The following NRXN1 variants were observed in gnomAD, a reference collection of about 807,000 sequenced individuals.
NRXN1 encodes the protein neurexin-1.
A neutral mutation model predicts 150.9 loss-of-function variants in NRXN1; 39 were observed. The observed-to-expected ratio is 0.26, with a 90% CI of 0.20 to 0.34. The LOEUF (loss-of-function observed/expected upper bound fraction) is 0.34, where lower values mean the gene tolerates loss of function less well. Ranked by LOEUF, NRXN1 falls within the 10% of genes least tolerant of loss-of-function variation. The pLI, the probability that NRXN1 is intolerant of heterozygous loss-of-function variation, is 1.00. For missense variants in NRXN1, 1,815 were observed against 1,949.9 expected, an observed-to-expected ratio of 0.93 and a Z score of 1.30; for synonymous variants, 924 against 757.0, an observed-to-expected ratio of 1.22 and a Z score of -3.62.
At chr2:50,519,378 T>C (rs189363673) in intron 12 of NRXN1, among the ~76,000 whole-genome samples, 28 of 152,078 alleles carry the variant, frequency 1.8e-4, no homozygotes, top group Non-Finnish European at 3.4e-4. Flanking sequence ...ATTTTAGTAA[T>C]TGAAAAATAT....
At position 50,921,890 on chromosome 2, in the gene NRXN1, T is replaced by G; in HGVS notation, c.821-10A>C. 7.1e-7 allele frequency: 1 copy of G among 1,398,740 alleles called. No individual in the cohort carries two copies. The allele number at this position is 1,398,740 out of a possible 1,614,324, so 86.6% of individuals were successfully genotyped here. ...ATACCTTTACTTTTACCTATGGATT[T>G]GATGAAATGGGTCCATGAAGAAAGG... On this transcript the variant is annotated splice_polypyrimidine_tract_variant and intron_variant, in intron 4 of 22. Coordinates refer to ENST00000401669, the MANE Select transcript of NRXN1 (RefSeq NM_001330078.2).
chr2:50,046,169 C>T (rs977391476), intron 21 of NRXN1, among the ~76,000 whole-genome samples: 1 of 152,134 alleles, frequency 6.6e-6, no homozygotes, highest in Non-Finnish European at 1.5e-5. Flanking sequence ...TAAAACAGCG[C>T]AAGTTATGGG....
chr2:50,639,284 G>T (rs552204570), intron 5 of NRXN1, among the ~76,000 whole-genome samples: 165 of 144,922 alleles, frequency 1.1e-3, no homozygotes, highest in Non-Finnish European at 2.1e-3. Context: ...GCAGTGGCAT[G>T]ATCTCAGCTC....
Position 50,699,869 on chromosome 2 carries a change from T to C in NRXN1, c.833-76254A>G, listed in dbSNP as rs577157151. ...TTTTACAGCAACCATAGGAAAGTAATAAAGCACTCATGGCATGTTCAATTC... is the reference window on the plus strand; with the variant it reads ...TTTTACAGCAACCATAGGAAAGTAACAAAGCACTCATGGCATGTTCAATTC... On this transcript the variant is annotated intron_variant, in intron 5 of 22. Transcript: ENST00000401669. Among the ~76,000 whole-genome samples the C allele has an allele frequency of 5.3e-5, 8 of 152,200 alleles. No homozygotes were observed. In the East Asian group the frequency reaches 1.5e-3, roughly 29 times the overall value.
At chr2:50,994,634 G>T (rs12713129) in intron 2 of NRXN1, among the ~76,000 whole-genome samples, 5 of 151,764 alleles carry the variant, frequency 3.3e-5, no homozygotes, top group Non-Finnish European at 7.4e-5. Flanking sequence ...CACTACCAGA[G>T]AATGCATTAG....
At chr2:50,443,358 C>T (rs2086130304) in intron 17 of NRXN1, among the ~76,000 whole-genome samples, 1 of 152,138 alleles carries the variant, frequency 6.6e-6, no homozygotes, top group Admixed American at 6.6e-5. Flanking sequence ...TTGCTTTTAG[C>T]TTTGTCTTCA....
At chr2:50,946,744 T>G (rs1000363617) in intron 2 of NRXN1, among the ~76,000 whole-genome samples, 13 of 152,220 alleles carry the variant, frequency 8.5e-5, no homozygotes, top group African/African-American at 3.1e-4. Context: ...CAAGACTTAT[T>G]CCAAACATGA....
chr2:50,374,766 T>C (rs2080360405), intron 17 of NRXN1, among the ~76,000 whole-genome samples: 1 of 152,170 alleles, frequency 6.6e-6, no homozygotes, highest in Non-Finnish European at 1.5e-5. Flanking sequence ...TACACAATAT[T>C]TTAAAGTTAT....
chr2:50,281,076 G>A (rs1056353566), intron 17 of NRXN1, among the ~76,000 whole-genome samples: 19 of 151,090 alleles, frequency 1.3e-4, no homozygotes, highest in East Asian at 7.8e-4. Context: ...AGGCCGAGGC[G>A]GGCAGATCAC....
intron 5 of NRXN1, among the ~76,000 whole-genome samples, chr2:50,743,932 T>A (rs1699730700): frequency 6.6e-6 from 1 of 152,174 alleles, no homozygotes; most frequent in South Asian, 2.1e-4. Context: ...ATTTACTCAC[T>A]AGCTTTGAAA....
chr2:50,969,695 TTAATC>T (rs1694705881), intron 2 of NRXN1, among the ~76,000 whole-genome samples: 1 of 152,192 alleles, frequency 6.6e-6, no homozygotes, highest in African/African-American at 2.4e-5. Flanking sequence ...AGGCAACTCT[TTAATC>T]TATTAATTCT....
intron 17 of NRXN1, among the ~76,000 whole-genome samples, chr2:50,389,226 C>T (rs1444923269): frequency 2.0e-5 from 3 of 149,808 alleles, no homozygotes; most frequent in African/African-American, 7.4e-5. Context: ...CAACATCAGA[C>T]CAAAATGGTG....
intron 5 of NRXN1, among the ~76,000 whole-genome samples, chr2:50,688,398 C>T (rs1179372431): frequency 1.3e-5 from 2 of 152,254 alleles, no homozygotes; most frequent in South Asian, 2.1e-4. Context: ...CTACAGAGCC[C>T]TCCTTATATA....
chr2:50,015,516 C>CAAAAAA (rs34466037), intron 21 of NRXN1, among the ~76,000 whole-genome samples: 1 of 31,286 alleles, frequency 3.2e-5, no homozygotes, highest in Non-Finnish European at 6.0e-5. Flanking sequence ...GGATTTCTGC[C>CAAAAAA]AAAAAAAAAA....
chr2:51,013,753 A>G (rs1286519684), intron 2 of NRXN1, among the ~76,000 whole-genome samples: 1 of 152,064 alleles, frequency 6.6e-6, no homozygotes, highest in Non-Finnish European at 1.5e-5. Context: ...CATTTATACT[A>G]GAATTACAAG....
At chr2:50,286,355 G>T (rs12473102) in intron 17 of NRXN1, among the ~76,000 whole-genome samples, 1 of 151,892 alleles carries the variant, frequency 6.6e-6, no homozygotes, top group South Asian at 2.1e-4. Context: ...AACTTTTTTC[G>T]AATCAACATA....
chr2:50,759,900 G>A (rs1437074076), intron 5 of NRXN1, among the ~76,000 whole-genome samples: 1 of 150,230 alleles, frequency 6.7e-6, no homozygotes, highest in African/African-American at 2.5e-5. Flanking sequence ...AAGATCCCTG[G>A]GGTGAAGATC....
intron 8 of NRXN1, among the ~76,000 whole-genome samples, chr2:50,556,889 G>C (rs945528308): frequency 1.3e-5 from 2 of 152,074 alleles, no homozygotes; most frequent in African/African-American, 4.8e-5. Context: ...TAAAGGAAAG[G>C]CGTGCCATAA....
chr2:49,949,262 A>T (rs1375355286), intron 21 of NRXN1, among the ~76,000 whole-genome samples: 4 of 151,872 alleles, frequency 2.6e-5, no homozygotes, highest in African/African-American at 9.7e-5. Context: ...ACACAGATGT[A>T]TGTTTGTTAT....
Sources: gnomAD v4.1 joint callset for allele counts (sites outside exome capture counted in the v4.1 genomes callset) on GRCh38, gnomAD v4.1.1 for gene constraint, MANE v1.5 for transcripts, NCBI Gene and HGNC (gene_info 2026-07-23, HGNC 2026-07-21) for gene names.